The following DPP10 variants were observed in gnomAD, a reference collection of about 807,000 sequenced individuals.
The protein encoded by DPP10 is dipeptidyl peptidase like 10.
Under a neutral mutation model 120.9 loss-of-function variants are expected in DPP10, and 33 were observed. The ratio of observed to expected loss-of-function variants is 0.27; its 90% CI spans 0.21 to 0.37. The LOEUF is 0.37. DPP10 is among the 10% of genes least tolerant of loss of function. The pLI is 1.00. For synonymous variants in DPP10, 337 were observed against 326.1 expected (o/e 1.03, Z -0.36); for missense variants, 816 against 942.8 (o/e 0.87, Z 1.76).
intron 3 of DPP10, among the ~76,000 whole-genome samples, chr2:115,484,130 C>A (rs558604246): frequency 8.7e-5 from 1 of 11,444 alleles, no homozygotes; most frequent in East Asian, 9.8e-3. Context: ...TTTTTTTTGC[C>A]ACCAGTACAC....
chr2:114,716,360 A>G (rs1701346907), intron 1 of DPP10, among the ~76,000 whole-genome samples: 1 of 152,220 alleles, frequency 6.6e-6, no homozygotes, highest in Non-Finnish European at 1.5e-5. Flanking sequence ...GACGTGAACT[A>G]AAACACATCC....
chr2:114,615,540 C>T (rs905821330), intron 1 of DPP10, among the ~76,000 whole-genome samples: 3 of 152,084 alleles, frequency 2.0e-5, no homozygotes, highest in Non-Finnish European at 2.9e-5. Flanking sequence ...GGCAATTGCC[C>T]TGTGTATGAA....
At chr2:115,584,349 G>A (rs1433198520) in intron 5 of DPP10, among the ~76,000 whole-genome samples, 29 of 152,088 alleles carry the variant, frequency 1.9e-4, no homozygotes, top group Admixed American at 1.9e-3. Context: ...ACTTTGGCTT[G>A]TTTTTGCACA....
chr2:114,800,051 G>T (rs556869695), intron 1 of DPP10, among the ~76,000 whole-genome samples: 61 of 152,300 alleles, frequency 4.0e-4, no homozygotes, highest in Non-Finnish European at 7.1e-4. Context: ...AGAAAATGAG[G>T]TGTAGGTACT....
intron 17 of DPP10, among the ~76,000 whole-genome samples, chr2:115,790,259 T>G (rs1683815998): frequency 6.6e-6 from 1 of 151,654 alleles, no homozygotes; most frequent in African/African-American, 2.4e-5. Context: ...TTTTGTATTT[T>G]TAGTAGAGAC....
intron 7 of DPP10, among the ~76,000 whole-genome samples, chr2:115,723,066 T>G (rs2092685124): frequency 6.6e-6 from 1 of 152,112 alleles, no homozygotes; most frequent in African/African-American, 2.4e-5. Context: ...GCTCTCCTTT[T>G]TTTGCAGAAA....
intron 19 of DPP10, among the ~76,000 whole-genome samples, chr2:115,807,003 T>C (rs2150003253): frequency 6.6e-6 from 1 of 152,292 alleles, no homozygotes; most frequent in Admixed American, 6.5e-5. Context: ...TAAGCTTTCT[T>C]TTAACCATGA....
intron 1 of DPP10, among the ~76,000 whole-genome samples, chr2:115,162,738 C>T (rs928983761): frequency 6.6e-6 from 1 of 152,160 alleles, no homozygotes; most frequent in Non-Finnish European, 1.5e-5. Context: ...ATTCCTGTCT[C>T]TTTCCCGTCC....
intron 1 of DPP10, among the ~76,000 whole-genome samples, chr2:114,868,083 GA>G (rs1257373830): frequency 6.6e-6 from 1 of 152,196 alleles, no homozygotes; most frequent in Non-Finnish European, 1.5e-5. Context: ...CATAGTAAAT[GA>G]AAGCCAAATC....
intron 3 of DPP10, among the ~76,000 whole-genome samples, chr2:115,379,616 G>C (rs535265383): frequency 6.6e-6 from 1 of 151,906 alleles, no homozygotes; most frequent in Non-Finnish European, 1.5e-5. Flanking sequence ...GTTTGCTCTT[G>C]CTTTTCTAGT....
intron 1 of DPP10, among the ~76,000 whole-genome samples, chr2:114,709,345 A>T (rs1227000058): frequency 6.6e-6 from 1 of 152,198 alleles, no homozygotes; most frequent in East Asian, 1.9e-4. Flanking sequence ...GTGTGGAAGC[A>T]GCCTTCTGCT....
At chr2:115,262,534 C>G (rs939914909) in intron 1 of DPP10, among the ~76,000 whole-genome samples, 5 of 151,946 alleles carry the variant, frequency 3.3e-5, no homozygotes. Flanking sequence ...ATATGTACAT[C>G]TACATATTAA....
chr2:115,673,337 A>G (rs2090050203), intron 5 of DPP10, among the ~76,000 whole-genome samples: 1 of 152,214 alleles, frequency 6.6e-6, no homozygotes, highest in Non-Finnish European at 1.5e-5. Context: ...AGTTAATGTC[A>G]TGATGAATAT....
At chr2:114,730,506 A>T (rs1676791232) in intron 1 of DPP10, among the ~76,000 whole-genome samples, 1 of 152,148 alleles carries the variant, frequency 6.6e-6, no homozygotes, top group African/African-American at 2.4e-5. Context: ...AGTTTTGCAG[A>T]GATAGTCTTT....
intron 3 of DPP10, among the ~76,000 whole-genome samples, chr2:115,464,740 T>C (rs1558700944): frequency 6.6e-6 from 1 of 152,060 alleles, no homozygotes; most frequent in African/African-American, 2.4e-5. Context: ...CAGACAGGTA[T>C]AATATCAATA....
At chr2:115,730,852 A>G (rs2092889764) in intron 8 of DPP10, among the ~76,000 whole-genome samples, 1 of 152,126 alleles carries the variant, frequency 6.6e-6, no homozygotes, top group Non-Finnish European at 1.5e-5. Context: ...TTGGGCTCCT[A>G]TGTTGCCGTT....
chr2:114,932,223 T>G (rs1696128138), intron 1 of DPP10, among the ~76,000 whole-genome samples: 1 of 152,244 alleles, frequency 6.6e-6, no homozygotes, highest in African/African-American at 2.4e-5. Flanking sequence ...TCTGATAGAC[T>G]AAAGTTTGAA....
chr2:114,500,909 G>T (rs1219243367), intron 1 of DPP10, among the ~76,000 whole-genome samples: 2 of 152,150 alleles, frequency 1.3e-5, no homozygotes, highest in Non-Finnish European at 2.9e-5. Context: ...GCAGCGGAGG[G>T]CAATGATGAA....
intron 1 of DPP10, among the ~76,000 whole-genome samples, chr2:114,689,275 C>A (rs1270814537): frequency 4.0e-5 from 6 of 151,794 alleles, no homozygotes; most frequent in East Asian, 1.9e-4. Context: ...TTATTCCCCC[C>A]CAACATTCCA....
Sources: allele counts gnomAD v4.1 joint callset (sites outside exome capture counted in the v4.1 genomes callset), GRCh38; gene constraint gnomAD v4.1.1; transcripts MANE v1.5; gene names NCBI Gene and HGNC (gene_info 2026-07-23, HGNC 2026-07-21).